Variants in KAT2B observed in about 807,000 individuals in gnomAD.
KAT2B encodes lysine acetyltransferase 2B.
Under a neutral mutation model 105.9 loss-of-function variants are expected in KAT2B, and 36 were observed. The ratio of observed to expected loss-of-function variants is 0.34; its 90% confidence interval spans 0.26 to 0.45. KAT2B has a LOEUF of 0.45. KAT2B is among the 20% of genes least tolerant of loss of function. KAT2B has a pLI of 1.00. For synonymous variants in KAT2B, 397 were observed against 377.9 expected (o/e 1.05, Z -0.59); for missense variants, 820 against 1,021.6 (o/e 0.80, Z 2.69).
At chr3:20,065,280 C>T (rs2125176151) in intron 1 of KAT2B, among the ~76,000 whole-genome samples, 1 of 152,244 alleles carries the variant, frequency 6.6e-6, no homozygotes, top group South Asian at 2.1e-4. Flanking sequence ...CTAGCTGCTA[C>T]AGTAATTGGC....
chr3:20,138,400 C>CTATT (rs59501381), intron 12 of KAT2B, among the ~76,000 whole-genome samples: 100,836 of 151,598 alleles, frequency 0.67, 34,209 homozygotes, highest in African/African-American at 0.79. Flanking sequence ...ACATTTTTGA[C>CTATT]TAGGTGTTTC....
intron 1 of KAT2B, among the ~76,000 whole-genome samples, chr3:20,051,774 G>A (rs370959965): frequency 2.0e-5 from 3 of 152,188 alleles, no homozygotes; most frequent in South Asian, 4.1e-4. Flanking sequence ...TGATGAGCTC[G>A]TTATTTAATG....
chr3:20,100,067 G>A lies in KAT2B; in HGVS notation c.669+113G>A, dbSNP rs1244554202. 5 of 625,724 alleles carry A rather than the reference G, an allele frequency of 8.0e-6. No homozygotes were observed. The East Asian group carries it at 1.4e-4, about 17-fold the overall frequency. The allele number at this position is 625,724 out of a possible 1,614,324, so 38.8% of individuals were successfully genotyped here. On this transcript the variant is annotated intron_variant, in intron 4 of 17. Transcript: ENST00000263754. The stretch of plus-strand genomic sequence containing the variant: ...CCTCCTCCATACCCAGGTTAGAGAT[G>A]TTTACCAGTCTGTGGAAATTGTCCT...
At chr3:20,105,466 G>C (rs375104808) in intron 5 of KAT2B, among the ~76,000 whole-genome samples, 5 of 152,252 alleles carry the variant, frequency 3.3e-5, no homozygotes, top group African/African-American at 1.2e-4. Flanking sequence ...CCCCCACACT[G>C]GGGAGATGTT....
intron 5 of KAT2B, among the ~76,000 whole-genome samples, chr3:20,111,271 C>G (rs1308309898): frequency 6.6e-6 from 1 of 152,130 alleles, no homozygotes; most frequent in Middle Eastern, 3.2e-3. Flanking sequence ...GAAGGAAAGG[C>G]TAAATAGCGT....
Position 20,101,352 on chromosome 3 carries a change from T to C in KAT2B, c.735T>C (p.Val245=), listed in dbSNP as rs1698906178. 1 of 1,613,966 alleles carries C rather than the reference T, an allele frequency of 6.2e-7. No individual in the cohort carries two copies. Among genetic ancestry groups the C allele is most frequent in the Admixed American group, 1.7e-5 (1 of 59,978 alleles). Residue 245 remains valine (V), a synonymous_variant, in exon 5 of 18, where the codon GTT becomes GTC. Transcript: ENST00000263754. ...CAGCAAAAGAAAGGCAAACAATAGT[T>C]GAGTTGGCAAAAATGTTCCTAAACC... is the stretch of plus-strand genomic sequence containing the variant. The part of the protein sequence containing the change: ...HLPAKERQTI[V]ELAKMFLNRI...
intron 1 of KAT2B, among the ~76,000 whole-genome samples, chr3:20,042,270 C>T (rs2125160405): frequency 6.6e-6 from 1 of 152,210 alleles, no homozygotes; most frequent in South Asian, 2.1e-4. Context: ...AATAATAATG[C>T]TATGTGGTTA....
At chr3:20,152,124 G>C (rs1207339621) in intron 17 of KAT2B, among the ~76,000 whole-genome samples, 2 of 151,976 alleles carry the variant, frequency 1.3e-5, no homozygotes, top group African/African-American at 4.8e-5. Context: ...AAATGGCTGT[G>C]ATTTTACATT....
intron 1 of KAT2B, among the ~76,000 whole-genome samples, chr3:20,048,110 A>C (rs1198549509): frequency 6.6e-6 from 1 of 152,224 alleles, no homozygotes; most frequent in Non-Finnish European, 1.5e-5. Flanking sequence ...TATTGCATAC[A>C]ATTGTATCCT....
chr3:20,128,267 G>T (rs537446948), intron 11 of KAT2B, among the ~76,000 whole-genome samples: 16 of 152,310 alleles, frequency 1.1e-4, no homozygotes, highest in African/African-American at 2.6e-4. Context: ...TAGTGACACT[G>T]AACTACTGGA....
chr3:20,093,758 C>T (rs945861381), intron 2 of KAT2B, among the ~76,000 whole-genome samples: 2 of 152,070 alleles, frequency 1.3e-5, no homozygotes, highest in African/African-American at 4.8e-5. Flanking sequence ...ATTTTTAAGC[C>T]AGCACACTTA....
chr3:20,081,285 C>T (rs1369427226), intron 2 of KAT2B, among the ~76,000 whole-genome samples: 1 of 152,200 alleles, frequency 6.6e-6, no homozygotes, highest in Non-Finnish European at 1.5e-5. Flanking sequence ...GGCTGACTGT[C>T]TTCACGAGAA....
rs555118238 is a variant in KAT2B at position 20,049,919 on chromosome 3, G to A, written c.303+9139G>A. ...ACTGTCTTGAAAGTTTAGAAGTCCAGCTGGGCACCGTGGCTCCCCCTTGTA... is the reference window on the plus strand; with the variant it reads ...ACTGTCTTGAAAGTTTAGAAGTCCAACTGGGCACCGTGGCTCCCCCTTGTA... On this transcript the variant is annotated intron_variant, in intron 1 of 17. Transcript: ENST00000263754. 7.4e-4 allele frequency among the ~76,000 whole-genome samples: 113 copies of A among 152,332 alleles called. No individual in the cohort carries two copies. The Middle Eastern group carries it at 0.01, about 14-fold the overall frequency.
chr3:20,143,464 A>G (rs1412630094), intron 13 of KAT2B, among the ~76,000 whole-genome samples: 1 of 152,218 alleles, frequency 6.6e-6, no homozygotes, highest in African/African-American at 2.4e-5. Context: ...CCCTGTGGAA[A>G]GCCGTTTGGA....
intron 4 of KAT2B, among the ~76,000 whole-genome samples, chr3:20,100,523 C>G (rs965293973): frequency 6.6e-6 from 1 of 152,026 alleles, no homozygotes; most frequent in Admixed American, 6.6e-5. Context: ...ACTTTTTTAG[C>G]CTTTGATTGT....
chr3:20,096,316 C>A (rs1362044255), intron 3 of KAT2B, among the ~76,000 whole-genome samples: 1 of 152,164 alleles, frequency 6.6e-6, no homozygotes, highest in Admixed American at 6.6e-5. Context: ...GGGTCACATC[C>A]ATTCCCTACT....
At chr3:20,068,758 C>T (rs2125178570) in intron 1 of KAT2B, among the ~76,000 whole-genome samples, 1 of 152,282 alleles carries the variant, frequency 6.6e-6, no homozygotes, top group Middle Eastern at 3.4e-3. Context: ...AAATGCTGTT[C>T]TCCAAACTCA....
chr3:20,059,720 A>G (rs1698067524), intron 1 of KAT2B, among the ~76,000 whole-genome samples: 1 of 152,170 alleles, frequency 6.6e-6, no homozygotes, highest in Non-Finnish European at 1.5e-5. Context: ...AAAAACAAAA[A>G]CAAAAAAAAC....
At chr3:20,127,965 G>T (rs779045431) in intron 11 of KAT2B, among the ~76,000 whole-genome samples, 9 of 152,178 alleles carry the variant, frequency 5.9e-5, no homozygotes, top group Non-Finnish European at 8.8e-5. Context: ...CACTCACCTC[G>T]TGCTGTGCAG....
Sources: allele counts gnomAD v4.1 joint callset (sites outside exome capture counted in the v4.1 genomes callset), GRCh38; gene constraint gnomAD v4.1.1; transcripts MANE v1.5; gene names NCBI Gene and HGNC (gene_info 2026-07-23, HGNC 2026-07-21).